The following STK33 variants were observed in gnomAD, a reference collection of about 807,000 sequenced individuals.
STK33 encodes serine/threonine kinase 33, also known as serine/threonine-protein kinase 33.
Under a neutral mutation model 58.0 loss-of-function variants are expected in STK33, and 52 were observed. The observed-to-expected ratio is 0.90, with a 90% CI of 0.72 to 1.13. STK33 has a LOEUF of 1.13. STK33 is among the 50% of genes most tolerant of loss of function. The probability of loss-of-function intolerance (pLI) is 0.00; values close to 1 mark genes in which losing one functional copy is unlikely to be tolerated. For missense variants in STK33, 630 were observed against 604.2 expected (o/e 1.04, Z -0.45); for synonymous variants, 215 against 200.1 (o/e 1.07, Z -0.63).
chr11:8,478,584 GCAA>G (rs1949503114), intron 2 of STK33, among the ~76,000 whole-genome samples: 1 of 152,044 alleles, frequency 6.6e-6, no homozygotes, highest in East Asian at 1.9e-4. Flanking sequence ...TACACTTACA[GCAA>G]TTTCCTCAAG....
intron 1 of STK33, among the ~76,000 whole-genome samples, chr11:8,500,745 CAA>C (rs909497264): frequency 3.3e-5 from 5 of 151,988 alleles, no homozygotes; most frequent in African/African-American, 9.7e-5. Flanking sequence ...TGAAAAAGAA[CAA>C]AGTTACAGCA....
chr11:8,531,751 T>C (rs150400028), intron 1 of STK33, among the ~76,000 whole-genome samples: 874 of 152,316 alleles, frequency 5.7e-3, no homozygotes, highest in Middle Eastern at 0.014. Context: ...CTTCCAGTGG[T>C]TGAAGCAGTC....
chr11:8,560,312 A>G (rs1957034657), intron 1 of STK33, among the ~76,000 whole-genome samples: 1 of 152,172 alleles, frequency 6.6e-6, no homozygotes, highest in South Asian at 2.1e-4. Flanking sequence ...AATGAAAAAT[A>G]GCATCTTATT....
intron 1 of STK33, among the ~76,000 whole-genome samples, chr11:8,557,062 G>A (rs1002286311): frequency 6.6e-6 from 1 of 151,590 alleles, no homozygotes; most frequent in East Asian, 1.9e-4. Flanking sequence ...ACCAGCCTGG[G>A]CAACATAGTG....
At chr11:8,398,634 G>C (rs1849804696) in intron 15 of STK33, among the ~76,000 whole-genome samples, 1 of 152,102 alleles carries the variant, frequency 6.6e-6, no homozygotes, top group African/African-American at 2.4e-5. Context: ...AGGTAAATAG[G>C]CTAAATGCTC....
intron 6 of STK33, among the ~76,000 whole-genome samples, chr11:8,468,603 ATTT>A (rs200941619): frequency 1.3e-5 from 2 of 150,990 alleles, no homozygotes; most frequent in African/African-American, 2.4e-5. Flanking sequence ...CTTTTGGCTT[ATTT>A]TTTTTTCTTC....
At chr11:8,397,155 G>C (rs914542809) in intron 15 of STK33, among the ~76,000 whole-genome samples, 2 of 152,256 alleles carry the variant, frequency 1.3e-5, no homozygotes, top group Non-Finnish European at 2.9e-5. Context: ...AGAATGGACA[G>C]ACTGCCTCCT....
chr11:8,593,862 G>T (rs561965765), intron 1 of STK33: 36 of 152,496 alleles, frequency 2.4e-4, no homozygotes, highest in African/African-American at 8.4e-4. Context: ...GGACCCGGGG[G>T]AAATGGGGTA....
chr11:8,449,910 C>T (rs778515120), intron 11 of STK33, among the ~76,000 whole-genome samples: 20 of 152,152 alleles, frequency 1.3e-4, no homozygotes, highest in Admixed American at 2.6e-4. Flanking sequence ...ACAACAGATG[C>T]TGGAGAGGAT....
intron 1 of STK33, among the ~76,000 whole-genome samples, chr11:8,550,112 T>C (rs1001593418): frequency 2.0e-5 from 3 of 152,238 alleles, no homozygotes; most frequent in Admixed American, 1.3e-4. Context: ...TATATAACTA[T>C]GTAATTAATG....
At chr11:8,437,680 G>C (rs1944248621) in intron 12 of STK33, among the ~76,000 whole-genome samples, 1 of 151,912 alleles carries the variant, frequency 6.6e-6, no homozygotes, top group Non-Finnish European at 1.5e-5. Flanking sequence ...TCTAACTCAT[G>C]AACATTTTCT....
chr11:8,501,276 T>A (rs1205835566), intron 1 of STK33, among the ~76,000 whole-genome samples: 1 of 152,086 alleles, frequency 6.6e-6, no homozygotes, highest in Non-Finnish European at 1.5e-5. Context: ...GGAGAAAATA[T>A]TTGCAAATCA....
the STK33 span, among the ~76,000 whole-genome samples, chr11:8,336,929 C>T: frequency 9.2e-5 from 14 of 152,380 alleles, no homozygotes; most frequent in East Asian, 1.9e-4. Flanking sequence ...CCTGCACCAC[C>T]GTGGCTCAGA....
chr11:8,575,221 C>T (rs978596763), intron 1 of STK33, among the ~76,000 whole-genome samples: 1 of 152,118 alleles, frequency 6.6e-6, no homozygotes, highest in Non-Finnish European at 1.5e-5. Flanking sequence ...CATAAAATTA[C>T]CACATGACCA....
intron 1 of STK33, among the ~76,000 whole-genome samples, chr11:8,483,146 G>A (rs908202012): frequency 6.6e-6 from 1 of 152,098 alleles, no homozygotes; most frequent in Admixed American, 6.6e-5. Context: ...CTCACTTGCT[G>A]AGGGAAAGTT....
intron 1 of STK33, among the ~76,000 whole-genome samples, chr11:8,556,481 G>A (rs1956752367): frequency 6.6e-6 from 1 of 152,120 alleles, no homozygotes; most frequent in Non-Finnish European, 1.5e-5. Flanking sequence ...AAGGTCATAA[G>A]TACTATAAAA....
intron 12 of STK33, among the ~76,000 whole-genome samples, chr11:8,438,385 C>T (rs533101730): frequency 7.9e-5 from 12 of 152,188 alleles, no homozygotes; most frequent in Non-Finnish European, 1.2e-4. Context: ...ATGCTAACTT[C>T]ACCTTGAGAA....
chr11:8,465,826 CTG>C (rs1358460945), intron 6 of STK33: 1 of 154,332 alleles, frequency 6.5e-6, no homozygotes, highest in East Asian at 1.9e-4. Context: ...AAAGACATAT[CTG>C]AGACTGGGCA....
the STK33 span, among the ~76,000 whole-genome samples, chr11:8,374,976 T>A: frequency 1.8e-4 from 27 of 152,342 alleles, no homozygotes; most frequent in South Asian, 5.6e-3. Context: ...TCCCTTCCTA[T>A]GAGGAATTTT....
Sources: allele counts gnomAD v4.1 joint callset (sites outside exome capture counted in the v4.1 genomes callset), GRCh38; gene constraint gnomAD v4.1.1; transcripts MANE v1.5; gene names NCBI Gene and HGNC (gene_info 2026-07-23, HGNC 2026-07-21).